The following UNC13B variants were observed in gnomAD, a reference collection of about 807,000 sequenced individuals.
UNC13B encodes the protein unc-13 homolog B.
In UNC13B, 144 loss-of-function variants were observed where a neutral mutation model predicts 211.0. The ratio of observed to expected loss-of-function variants is 0.68; its 90% CI spans 0.60 to 0.78. The LOEUF (loss-of-function observed/expected upper bound fraction) is 0.78. UNC13B is among the 30% of genes least tolerant of loss of function. UNC13B has a pLI of 0.00. For missense variants in UNC13B, 1,777 were observed against 2,002.0 expected, an observed-to-expected ratio of 0.89 and a Z score of 2.14; for synonymous variants, 709 against 725.8, an observed-to-expected ratio of 0.98 and a Z score of 0.37.
At chr9:35,192,207 T>C (rs907620188) in intron 1 of UNC13B, among the ~76,000 whole-genome samples, 6 of 152,208 alleles carry the variant, frequency 3.9e-5, no homozygotes, top group Non-Finnish European at 8.8e-5. Context: ...ATAGGAGCCA[T>C]TTTAAGCTGT....
At chr9:35,353,104 G>A (rs748391075) in intron 11 of UNC13B, 2 of 1,232,156 alleles carry the variant, frequency 1.6e-6, no homozygotes, top group Non-Finnish European at 2.0e-6. Context: ...ACAGCATGAT[G>A]GAGGAAATTA....
At chr9:35,254,426 A>G (rs766027474) in intron 6 of UNC13B, among the ~76,000 whole-genome samples, 2 of 152,086 alleles carry the variant, frequency 1.3e-5, no homozygotes, top group Non-Finnish European at 2.9e-5. Context: ...CTCTTTTGTA[A>G]GGGTGCTTAT....
rs368775733 is a variant in UNC13B, at chr9:35,176,441, G to A, written c.22+14136G>A. ...CAGGCGCCTGTAATCCCAGCTACTCGGGACTCTGAGGCATGAGAATCGCTT... is the reference window on the plus strand; with the variant it reads ...CAGGCGCCTGTAATCCCAGCTACTCAGGACTCTGAGGCATGAGAATCGCTT... On this transcript the variant is annotated intron_variant, in intron 1 of 39. Coordinates refer to ENST00000635942, the MANE Select transcript of UNC13B (RefSeq NM_001371189.2). Among the ~76,000 whole-genome samples, 118 of 152,034 alleles carry A rather than the reference G, an allele frequency of 7.8e-4. 2 individuals carry two copies. The South Asian group carries it at 0.019, about 25-fold the overall frequency.
Position 35,364,297 on chromosome 9 carries a change from G to GAGGACTTATACCAGA in UNC13B, c.9415-2650_9415-2649insAGGACTTATACCAGA, listed in dbSNP as rs1360480902. On this transcript the variant is annotated intron_variant, in intron 11 of 39. Transcript: ENST00000635942. ...TGACTGGAACCCCTGGGTAGATTTTGTCCCTTGATTTAGTTTGGAACATCT... is the reference window on the plus strand; with the variant it reads ...TGACTGGAACCCCTGGGTAGATTTTGAGGACTTATACCAGATCCCTTGATTTAGTTTGGAACATCT... Among the ~76,000 whole-genome samples, 4 of 130,602 alleles carry GAGGACTTATACCAGA rather than the reference G, an allele frequency of 3.1e-5. 1 individual carries two copies. The highest frequency in any genetic ancestry group is 1.9e-4 in the African/African-American group (4 of 21,498). 85.7% of individuals were successfully genotyped at this position (130,602 alleles called of 152,430 possible).
chr9:35,273,552 T>C (rs2131690480), intron 7 of UNC13B, among the ~76,000 whole-genome samples: 1 of 152,350 alleles, frequency 6.6e-6, no homozygotes, highest in Admixed American at 6.5e-5. Context: ...AACTGTTCAC[T>C]GCCACTCTAT....
At position 35,246,761 on chromosome 9, in the gene UNC13B, A is replaced by G. The variant is rs1433732136; in HGVS notation, c.468+3397A>G. 3.9e-5 allele frequency among the ~76,000 whole-genome samples: 6 copies of G among 152,058 alleles called. No individual in the cohort carries two copies. In the East Asian group the frequency reaches 5.8e-4, roughly 15 times the overall value. Reference sequence around the variant, plus strand: ...CTGTTTTAATTACCGTAGCCTTGTAATATAGTTTGAAGTCAGGTAGCATGA... The same window carrying G: ...CTGTTTTAATTACCGTAGCCTTGTAGTATAGTTTGAAGTCAGGTAGCATGA... On this transcript the variant is annotated intron_variant, in intron 6 of 39. Coordinates refer to ENST00000635942, the MANE Select transcript of UNC13B (RefSeq NM_001371189.2).
At chr9:35,196,662 T>C (rs1377247286) in intron 1 of UNC13B, among the ~76,000 whole-genome samples, 1 of 152,230 alleles carries the variant, frequency 6.6e-6, no homozygotes, top group African/African-American at 2.4e-5. Context: ...CCACACATCT[T>C]TTCTGTTTTT....
Position 35,403,459 on chromosome 9 carries a change from C to T in UNC13B, c.12597C>T (p.Leu4199=), listed in dbSNP as rs1836464210. 1 of 1,613,856 alleles carries T rather than the reference C, an allele frequency of 6.2e-7. No individual in the cohort carries two copies. Among genetic ancestry groups the T allele is most frequent in the Non-Finnish European group, 8.5e-7 (1 of 1,179,990 alleles). ...GGGCAGTGGTGGCTGCCAATGACCTCAAGTGGCAGACAGCGGGTATGTTCC... is the reference window on the plus strand; with the variant it reads ...GGGCAGTGGTGGCTGCCAATGACCTTAAGTGGCAGACAGCGGGTATGTTCC... The part of the protein sequence containing the change: ...VTVKVVAAND[L]KWQTAGMFRP... Residue 4199 remains leucine (L), a synonymous_variant, in exon 39 of 40, where the codon CTC becomes CTT. Transcript: ENST00000635942.
At chr9:35,289,371 C>T (rs189110712) in intron 7 of UNC13B, among the ~76,000 whole-genome samples, 1 of 152,106 alleles carries the variant, frequency 6.6e-6, no homozygotes, top group East Asian at 1.9e-4. Flanking sequence ...CCTTAGCAGA[C>T]CTTGGGACTG....
At chr9:35,355,886 G>C (rs748831095) in intron 11 of UNC13B, among the ~76,000 whole-genome samples, 61 of 152,282 alleles carry the variant, frequency 4.0e-4, no homozygotes, top group Admixed American at 2.1e-3. Context: ...ATATTGGTGG[G>C]AGCTGATGTT....
intron 11 of UNC13B, among the ~76,000 whole-genome samples, chr9:35,362,916 G>A (rs1833525649): frequency 6.6e-6 from 1 of 152,154 alleles, no homozygotes; most frequent in South Asian, 2.1e-4. Context: ...TGTAACTTAG[G>A]TGCACTAGGA....
At chr9:35,199,374 AG>A (rs748607249) in intron 1 of UNC13B, among the ~76,000 whole-genome samples, 1 of 152,160 alleles carries the variant, frequency 6.6e-6, no homozygotes, top group Non-Finnish European at 1.5e-5. Flanking sequence ...GGGATGACTG[AG>A]TCAAATGGTA....
rs1442491709 is a variant in UNC13B, at chr9:35,306,893, CT to C, written c.7491del (p.Ala2498LeufsTer46). The C allele has an allele frequency of 5.0e-6, 2 of 398,924 alleles. No individual in the cohort carries two copies. Among genetic ancestry groups the C allele is most frequent in the African/African-American group, 4.1e-5 (2 of 48,626 alleles). 24.7% of individuals were successfully genotyped at this position (398,924 alleles called of 1,614,324 possible). The part of the protein sequence containing the change: ...KSPKKNSFFS[L>X]ASDVSSQPLK... ...TCCAAAGAAAAACTCCTTTTTCTCT[CT>C]TGCTTCTGATGTATCATCTCAGCCC... On this transcript the variant is annotated frameshift_variant, in exon 9 of 40. Coordinates refer to ENST00000635942, the MANE Select transcript of UNC13B (RefSeq NM_001371189.2). LOFTEE classifies it high-confidence loss of function.
chr9:35,389,818 T>C (rs761990812), intron 24 of UNC13B, 28 bp from the exon 25 acceptor site: 1 of 1,612,734 alleles, frequency 6.2e-7, no homozygotes, highest in Non-Finnish European at 8.5e-7. Context: ...TCTTTCTCCC[T>C]CTCTCTCACT....
At chr9:35,400,621 A>G (rs1312549946) in intron 37 of UNC13B, among the ~76,000 whole-genome samples, 178 bp downstream of exon 37, 1 of 152,108 alleles carries the variant, frequency 6.6e-6, no homozygotes, top group Non-Finnish European at 1.5e-5. Context: ...CATACCCATT[A>G]CCAGGCAGGA....
intron 10 of UNC13B, among the ~76,000 whole-genome samples, chr9:35,311,116 TA>T (rs1211702954): frequency 6.6e-6 from 1 of 152,120 alleles, no homozygotes; most frequent in Non-Finnish European, 1.5e-5. Context: ...CTGGGACTAC[TA>T]GGTGTGCACC....
At position 35,370,403 on chromosome 9, in the gene UNC13B, G is replaced by A. The variant is rs1207659873; in HGVS notation, c.9540+7G>A. The A allele has an allele frequency of 6.2e-7, 1 of 1,613,474 alleles. No individual in the cohort carries two copies. Among genetic ancestry groups the A allele is most frequent in the East Asian group, 2.2e-5 (1 of 44,878 alleles). On this transcript the variant is annotated splice_region_variant and intron_variant, in intron 13 of 39. Transcript: ENST00000635942. ...GCCACTTGTCAGTGATCTGGTGAGT[G>A]AAGACTCTTGTGCAGGCATAGGCAG...
intron 13 of UNC13B, 37 bp downstream of exon 13, chr9:35,370,433 C>T: frequency 6.2e-7 from 1 of 1,600,674 alleles, no homozygotes; most frequent in South Asian, 1.1e-5. Flanking sequence ...AGGCAGTAGC[C>T]TTGGGGTATC....
At position 35,243,321 on chromosome 9, in the gene UNC13B, C is replaced by A. The variant is rs758019684; in HGVS notation, c.425C>A (p.Thr142Asn). Residue 142 changes from threonine (T) to asparagine (N), a missense_variant, in exon 6 of 40, where the codon ACC becomes AAC. By Grantham distance (65) the Thr-to-Asn change is moderately conservative. Coordinates refer to ENST00000635942, the MANE Select transcript of UNC13B (RefSeq NM_001371189.2). ...CCAGAGGAGGAAGCCAGATATTGGA[C>A]CTACAAATGGGAGCAAATCAATGCC... ...DIPEEEARYW[T>N]YKWEQINALG... The A allele has an allele frequency of 1.9e-6, 3 of 1,613,138 alleles. No individual in the cohort carries two copies. In the Admixed American group the frequency reaches 5.0e-5, roughly 27 times the overall value.
Sources: gnomAD v4.1 joint callset for allele counts (sites outside exome capture counted in the v4.1 genomes callset) on GRCh38, gnomAD v4.1.1 for gene constraint, MANE v1.5 for transcripts, NCBI Gene and HGNC (gene_info 2026-07-23, HGNC 2026-07-21) for gene names.